Variants in DOCK4 observed in about 807,000 individuals in gnomAD.
DOCK4 encodes the protein dedicator of cytokinesis 4.
DOCK4 carries 97 observed loss-of-function variants against 268.1 expected under a neutral mutation model. The ratio of observed to expected loss-of-function variants is 0.36; its 90% CI spans 0.31 to 0.43. The LOEUF is 0.43. Among genes scored for constraint, DOCK4 ranks in the 20% least tolerant of loss-of-function variants. The pLI, the probability that DOCK4 is intolerant of heterozygous loss-of-function variation, is 1.00. For synonymous variants in DOCK4, 954 were observed against 887.2 expected, an observed-to-expected ratio of 1.08 and a Z score of -1.34; for missense variants, 2,145 against 2,455.7, an observed-to-expected ratio of 0.87 and a Z score of 2.67.
chr7:112,043,273 T>G (rs1804553589), intron 1 of DOCK4, among the ~76,000 whole-genome samples: 1 of 152,146 alleles, frequency 6.6e-6, no homozygotes, highest in South Asian at 2.1e-4. Flanking sequence ...CTCATTATTC[T>G]CTCTAGAAAA....
intron 8 of DOCK4, among the ~76,000 whole-genome samples, chr7:111,976,274 TATA>T (rs1798195963): frequency 4.1e-4 from 1 of 2,444 alleles, no homozygotes; most frequent in Non-Finnish European, 9.7e-4. Flanking sequence ...GTCTATTATA[TATA>T]TATATATATA....
At chr7:112,010,126 T>C (rs1801168692) in intron 1 of DOCK4, among the ~76,000 whole-genome samples, 1 of 152,168 alleles carries the variant, frequency 6.6e-6, no homozygotes, top group Non-Finnish European at 1.5e-5. Context: ...CAAGGAGAAC[T>C]AAATTTTTCT....
chr7:112,120,802 C>T (rs1290966002), intron 1 of DOCK4, among the ~76,000 whole-genome samples: 1 of 152,208 alleles, frequency 6.6e-6, no homozygotes, highest in Non-Finnish European at 1.5e-5. Context: ...ATTCCATGAT[C>T]TTGTGAGCTT....
intron 1 of DOCK4, among the ~76,000 whole-genome samples, chr7:112,116,651 G>T (rs1019715748): frequency 1.2e-4 from 18 of 152,158 alleles, no homozygotes; most frequent in African/African-American, 4.3e-4. Context: ...CATAACCAAG[G>T]CAATGAAGAG....
intron 44 of DOCK4, among the ~76,000 whole-genome samples, 174 bp downstream of exon 44, chr7:111,746,160 G>C (rs6951280): frequency 0.63 from 95,849 of 151,958 alleles, 30,737 homozygotes; most frequent in Non-Finnish European, 0.68. Flanking sequence ...TTTTTGCATC[G>C]GAGTGGGAAG....
intron 36 of DOCK4, among the ~76,000 whole-genome samples, chr7:111,772,917 G>A (rs1798214096): frequency 6.6e-6 from 1 of 152,210 alleles, no homozygotes; most frequent in Admixed American, 6.5e-5. Context: ...CCAGGTGTGG[G>A]TCAGGTGCCC....
intron 1 of DOCK4, among the ~76,000 whole-genome samples, chr7:112,154,769 A>C (rs986872984): frequency 6.6e-6 from 1 of 152,190 alleles, no homozygotes; most frequent in Non-Finnish European, 1.5e-5. Flanking sequence ...GGTATTTTTC[A>C]TCATGTCAAT....
chr7:111,822,223 A>C, intron 27 of DOCK4, 139 bp downstream of exon 27: 1 of 637,652 alleles, frequency 1.6e-6, no homozygotes, highest in South Asian at 2.0e-5. Context: ...ATTCTAAACA[A>C]GTGGTAACAT....
At chr7:111,926,188 G>C (rs1793637505) in intron 12 of DOCK4, among the ~76,000 whole-genome samples, 1 of 147,156 alleles carries the variant, frequency 6.8e-6, no homozygotes, top group South Asian at 2.1e-4. Context: ...AGGCGGGCAA[G>C]GTGGGCAGAT....
chr7:111,894,924 A>G (rs1440873359), intron 16 of DOCK4, among the ~76,000 whole-genome samples: 1 of 152,208 alleles, frequency 6.6e-6, no homozygotes, highest in Non-Finnish European at 1.5e-5. Flanking sequence ...ACCAGTTATC[A>G]TAGGTGAGAG....
intron 8 of DOCK4, among the ~76,000 whole-genome samples, chr7:111,955,216 T>G (rs967425710): frequency 2.6e-5 from 4 of 152,204 alleles, no homozygotes; most frequent in African/African-American, 9.6e-5. Flanking sequence ...CTAGATAAGA[T>G]TATTAATGTG....
chr7:111,940,540 G>C (rs17159026), intron 10 of DOCK4, among the ~76,000 whole-genome samples: 12,356 of 152,188 alleles, frequency 0.081, 728 homozygotes, highest in East Asian at 0.37. Flanking sequence ...ATTCATGAAG[G>C]CATCCCAGGA....
At chr7:112,002,943 C>T (rs1034398335) in intron 2 of DOCK4, among the ~76,000 whole-genome samples, 4 of 150,310 alleles carry the variant, frequency 2.7e-5, no homozygotes, top group Admixed American at 1.3e-4. Context: ...CCCAGCTATT[C>T]GGGAGGCTGA....
chr7:111,904,246 T>C (rs2134438107), intron 13 of DOCK4, among the ~76,000 whole-genome samples: 1 of 152,348 alleles, frequency 6.6e-6, no homozygotes, highest in South Asian at 2.1e-4. Context: ...GAGCATCTCC[T>C]GTATGCTAGA....
intron 32 of DOCK4, chr7:111,788,352 AC>A (rs1799313978): frequency 3.3e-6 from 1 of 304,046 alleles, no homozygotes; most frequent in Non-Finnish European, 6.2e-6. Context: ...TTATAACCCC[AC>A]TTAAAATCAT....
intron 1 of DOCK4, among the ~76,000 whole-genome samples, chr7:112,075,618 A>G (rs1437385500): frequency 6.6e-6 from 1 of 152,204 alleles, no homozygotes; most frequent in Non-Finnish European, 1.5e-5. Context: ...ACAGAATTTG[A>G]GCATATCTCA....
intron 16 of DOCK4, among the ~76,000 whole-genome samples, chr7:111,888,035 A>G (rs1214839429): frequency 6.6e-6 from 1 of 151,980 alleles, no homozygotes; most frequent in African/African-American, 2.4e-5. Context: ...TTCCTGTCTG[A>G]TGGCATCTGT....
intron 1 of DOCK4, among the ~76,000 whole-genome samples, chr7:112,130,586 C>T (rs1025261263): frequency 2.0e-5 from 3 of 152,148 alleles, no homozygotes; most frequent in South Asian, 2.1e-4. Context: ...ATATCAAAAT[C>T]ACTACTCTAA....
intron 28 of DOCK4, among the ~76,000 whole-genome samples, 157 bp downstream of exon 28, chr7:111,811,717 T>A (rs911677978): frequency 6.6e-6 from 1 of 152,174 alleles, no homozygotes; most frequent in African/African-American, 2.4e-5. Context: ...TTAAGCGCTA[T>A]GTGAACAGTC....
Sources: gnomAD v4.1 joint callset for allele counts (sites outside exome capture counted in the v4.1 genomes callset) on GRCh38, gnomAD v4.1.1 for gene constraint, MANE v1.5 for transcripts, NCBI Gene and HGNC (gene_info 2026-07-23, HGNC 2026-07-21) for gene names.